The following ARID4B variants were observed in gnomAD, a reference collection of about 807,000 sequenced individuals.
ARID4B encodes the protein AT-rich interactive domain-containing protein 4B.
Under a neutral mutation model 147.5 loss-of-function variants are expected in ARID4B, and 26 were observed. The ratio of observed to expected loss-of-function variants is 0.18; its 90% confidence interval spans 0.13 to 0.24. ARID4B has a LOEUF of 0.24. Among genes scored for constraint, ARID4B ranks in the 10% least tolerant of loss-of-function variants. The probability of loss-of-function intolerance (pLI) is 1.00; values close to 1 mark genes in which losing one functional copy is unlikely to be tolerated. For missense variants in ARID4B, 1,179 were observed against 1,511.5 expected (o/e 0.78, Z 3.65); for synonymous variants, 512 against 507.9 (o/e 1.01, Z -0.11).
chr1:235,201,132 G>A (rs1411897446), intron 17 of ARID4B, among the ~76,000 whole-genome samples: 4 of 151,894 alleles, frequency 2.6e-5, no homozygotes, highest in Admixed American at 2.6e-4. Flanking sequence ...GTGACACAGC[G>A]AGACTCTGTC....
intron 2 of ARID4B, among the ~76,000 whole-genome samples, chr1:235,267,982 T>C (rs1371644590): frequency 6.6e-6 from 1 of 152,148 alleles, no homozygotes; most frequent in African/African-American, 2.4e-5. Flanking sequence ...TTCTCTCCTT[T>C]TTCATGTGGC....
chr1:235,209,458 CA>C (rs989982775), intron 17 of ARID4B, among the ~76,000 whole-genome samples: 16 of 151,532 alleles, frequency 1.1e-4, no homozygotes, highest in African/African-American at 3.6e-4. Flanking sequence ...ACAACAAGAG[CA>C]AAACCTCATC....
chr1:235,235,143 C>T (rs1285467160), intron 8 of ARID4B, among the ~76,000 whole-genome samples: 1 of 152,040 alleles, frequency 6.6e-6, no homozygotes, highest in Non-Finnish European at 1.5e-5. Flanking sequence ...TAAGAGGATG[C>T]TTAGTTTTCT....
intron 7 of ARID4B, among the ~76,000 whole-genome samples, chr1:235,245,427 A>G (rs1235573674): frequency 1.3e-5 from 2 of 152,182 alleles, no homozygotes; most frequent in African/African-American, 4.8e-5. Flanking sequence ...TTTTAAATTT[A>G]TTTTTACACT....
intron 6 of ARID4B, among the ~76,000 whole-genome samples, chr1:235,248,511 A>C (rs949599739): frequency 6.6e-6 from 1 of 152,230 alleles, no homozygotes; most frequent in Admixed American, 6.5e-5. Flanking sequence ...CTGTCAAGCA[A>C]ACAGATGGAT....
chr1:235,170,641 G>A (rs1279938313), intron 23 of ARID4B, among the ~76,000 whole-genome samples: 1 of 152,114 alleles, frequency 6.6e-6, no homozygotes, highest in Non-Finnish European at 1.5e-5. Context: ...GAGAGGCTGA[G>A]GCAGGAGAAT....
intron 2 of ARID4B, among the ~76,000 whole-genome samples, chr1:235,266,040 G>A (rs931016636): frequency 1.3e-5 from 2 of 152,138 alleles, no homozygotes; most frequent in East Asian, 1.9e-4. Flanking sequence ...GTGTATATAC[G>A]TGGGGAAGAG....
At chr1:235,318,780 TG>T (rs1674619728) in intron 2 of ARID4B, among the ~76,000 whole-genome samples, 1 of 151,842 alleles carries the variant, frequency 6.6e-6, no homozygotes, top group Admixed American at 6.6e-5. Context: ...ACTTGGGAGC[TG>T]GAGGCAGGAA....
intron 9 of ARID4B, among the ~76,000 whole-genome samples, chr1:235,232,595 G>A (rs967645389): frequency 5.3e-5 from 8 of 150,908 alleles, no homozygotes; most frequent in South Asian, 2.1e-4. Flanking sequence ...TTTGCCGAGC[G>A]TGGTGGCACA....
intron 8 of ARID4B, among the ~76,000 whole-genome samples, chr1:235,236,860 ATATTTTTTTT>A (rs1383042914): frequency 4.9e-5 from 1 of 20,410 alleles, no homozygotes; most frequent in African/African-American, 1.4e-4. Flanking sequence ...ATATATATAT[ATATTTTTTTT>A]TTTTTTTTTT....
intron 12 of ARID4B, among the ~76,000 whole-genome samples, chr1:235,223,825 G>A (rs1039199826): frequency 2.0e-5 from 3 of 150,710 alleles, no homozygotes; most frequent in Non-Finnish European, 1.5e-5. Flanking sequence ...ATATATGACT[G>A]GCTTAATCAT....
At chr1:235,240,540 T>C (rs770402372) in intron 7 of ARID4B, 89 bp from the exon 8 acceptor site, 3 of 1,242,080 alleles carry the variant, frequency 2.4e-6, no homozygotes, top group East Asian at 2.4e-5. Context: ...CAAACTCTTA[T>C]TACATTTCCT....
intron 2 of ARID4B, among the ~76,000 whole-genome samples, chr1:235,302,177 ACAGCAAAAAAAAAC>A (rs1673211856): frequency 3.3e-5 from 4 of 120,208 alleles, no homozygotes; most frequent in Admixed American, 2.6e-4. Context: ...AAAAAAAAAA[ACAGCAAAAAAAAAC>A]AAAGAAACAA....
intron 8 of ARID4B, among the ~76,000 whole-genome samples, chr1:235,238,153 A>AAAAAAAAAAAAAAAGAAAAGAAAAG (rs61179792): frequency 3.5e-4 from 49 of 141,784 alleles, no homozygotes; most frequent in Middle Eastern, 3.6e-3. Flanking sequence ...CAAAAAAAAA[A>AAAAAAAAAAAAAAAGAAAAGAAAAG]AAAAGAAAAG....
intron 8 of ARID4B, among the ~76,000 whole-genome samples, chr1:235,238,396 A>C (rs188751362): frequency 1.1e-4 from 16 of 152,372 alleles, no homozygotes; most frequent in African/African-American, 3.8e-4. Context: ...GGGAGTGAGA[A>C]CATACAAAAC....
rs374327135 is a variant in ARID4B at position 235,236,540 on chromosome 1, G to A, written c.586-2048C>T. ...TGTGTGTGTGTGTGTTTGAGATGGG[G>A]TCTTGCTCTGTCACTCAGGCTGGAG... On this transcript the variant is annotated intron_variant, in intron 8 of 23. Transcript: ENST00000264183. 6.6e-5 allele frequency among the ~76,000 whole-genome samples: 10 copies of A among 150,626 alleles called. 1 individual carries two copies. Among genetic ancestry groups the A allele is most frequent in the African/African-American group, 2.4e-4 (10 of 40,974 alleles).
chr1:235,184,869 T>C (rs950942798), intron 19 of ARID4B, among the ~76,000 whole-genome samples: 1 of 152,186 alleles, frequency 6.6e-6, no homozygotes, highest in African/African-American at 2.4e-5. Context: ...CAGGCTGGAG[T>C]ACAGTGGTGT....
At chr1:235,252,576 GC>G (rs1669711342) in intron 6 of ARID4B, among the ~76,000 whole-genome samples, 153 bp downstream of exon 6, 1 of 152,124 alleles carries the variant, frequency 6.6e-6, no homozygotes, top group Non-Finnish European at 1.5e-5. Flanking sequence ...CAAACACAGG[GC>G]CTTAAACAGG....
Position 235,213,902 on chromosome 1 carries a change from G to A in ARID4B, c.1708C>T (p.Pro570Ser). Residue 570 changes from proline (P) to serine (S), a missense_variant, in exon 17 of 24, where the codon CCA becomes TCA. Transcript: ENST00000264183. ...CGCACTTGGACTTTCATGCCTGGTG[G>A]ATAGCACTCAAACTCCTCTTCCTCA... ...NNEEEEFECY[P>S]PGMKVQVRYG... 1 of 1,613,962 alleles carries A rather than the reference G, an allele frequency of 6.2e-7. No individual in the cohort carries two copies. Among genetic ancestry groups the A allele is most frequent in the Non-Finnish European group, 8.5e-7 (1 of 1,179,940 alleles).
Sources: gnomAD v4.1 joint callset for allele counts (sites outside exome capture counted in the v4.1 genomes callset) on GRCh38, gnomAD v4.1.1 for gene constraint, MANE v1.5 for transcripts, NCBI Gene and HGNC (gene_info 2026-07-23, HGNC 2026-07-21) for gene names.